The following RFX3 variants were observed in gnomAD, a reference collection of about 807,000 sequenced individuals.
The protein encoded by RFX3 is transcription factor RFX3.
In RFX3, 14 loss-of-function variants were observed where a neutral mutation model predicts 98.6. The ratio of observed to expected loss-of-function variants is 0.14; its 90% CI spans 0.09 to 0.22. RFX3 has a LOEUF of 0.22. RFX3 is among the 10% of genes least tolerant of loss of function. RFX3 has a pLI of 1.00. For synonymous variants in RFX3, 383 were observed against 328.4 expected, an observed-to-expected ratio of 1.17 and a Z score of -1.80; for missense variants, 639 against 926.9, an observed-to-expected ratio of 0.69 and a Z score of 4.03.
intron 4 of RFX3, among the ~76,000 whole-genome samples, chr9:3,312,341 T>G (rs1336549052): frequency 6.6e-6 from 1 of 152,120 alleles, no homozygotes; most frequent in Non-Finnish European, 1.5e-5. Context: ...TGAAACAGTA[T>G]CAGTTCCCAT....
intron 13 of RFX3, among the ~76,000 whole-genome samples, chr9:3,262,604 G>A (rs560203242): frequency 9.9e-5 from 15 of 152,178 alleles, no homozygotes; most frequent in Non-Finnish European, 2.2e-4. Context: ...TAACGCAATT[G>A]CCCAAGATCC....
intron 1 of RFX3, among the ~76,000 whole-genome samples, chr9:3,444,004 A>T (rs1340446578): frequency 6.6e-6 from 1 of 152,206 alleles, no homozygotes; most frequent in Admixed American, 6.5e-5. Context: ...TCTGTGTAAC[A>T]GTTTGGGAGT....
At chr9:3,364,098 T>C (rs550049107) in intron 2 of RFX3, among the ~76,000 whole-genome samples, 1 of 152,300 alleles carries the variant, frequency 6.6e-6, no homozygotes, top group African/African-American at 2.4e-5. Context: ...ATGGTCTTCA[T>C]CTCCTGACCT....
In RFX3 at chr9:3,427,738, C is replaced by A. The variant is rs1196374682; in HGVS notation, c.-8-32142G>T. 3.9e-5 allele frequency among the ~76,000 whole-genome samples: 6 copies of A among 152,164 alleles called. 1 individual carries two copies. Among genetic ancestry groups the A allele is most frequent in the African/African-American group, 1.4e-4 (6 of 41,506 alleles). ...CATCTACCAGAAACCTGTACCATAT[C>A]TTTTCATTCTCAGATCCATAGCAGG... On this transcript the variant is annotated intron_variant, in intron 1 of 16. Transcript: ENST00000617270.
At chr9:3,348,026 C>T (rs1208705999) in intron 2 of RFX3, among the ~76,000 whole-genome samples, 1 of 152,056 alleles carries the variant, frequency 6.6e-6, no homozygotes, top group African/African-American at 2.4e-5. Context: ...TTGGTTTTTT[C>T]AAAGTAAGAT....
At chr9:3,439,931 C>A (rs910620135) in intron 1 of RFX3, among the ~76,000 whole-genome samples, 1 of 152,010 alleles carries the variant, frequency 6.6e-6, no homozygotes, top group Non-Finnish European at 1.5e-5. Context: ...GAGTCAGTCT[C>A]AGGATCTGAA....
chr9:3,499,963 C>G (rs776547842), intron 1 of RFX3, among the ~76,000 whole-genome samples: 1 of 152,112 alleles, frequency 6.6e-6, no homozygotes, highest in East Asian at 1.9e-4. Context: ...GTCAACTGCA[C>G]TACCTTATTC....
intron 10 of RFX3, 177 bp from the exon 11 acceptor site, chr9:3,270,702 C>T (rs1824309653): frequency 1.5e-6 from 1 of 684,470 alleles, no homozygotes; most frequent in Non-Finnish European, 2.4e-6. Flanking sequence ...ATATAAAACA[C>T]TCCCCCAGAG....
At chr9:3,230,763 T>C (rs932021366) in intron 15 of RFX3, among the ~76,000 whole-genome samples, 3 of 152,232 alleles carry the variant, frequency 2.0e-5, no homozygotes, top group African/African-American at 7.2e-5. Context: ...CACACCTTTA[T>C]ACTGATAAAA....
intron 1 of RFX3, chr9:3,420,988 A>G: frequency 1.3e-5 from 10 of 787,690 alleles, no homozygotes; most frequent in Non-Finnish European, 1.5e-5. Context: ...AAATCTGTGG[A>G]CTCTCAGAGA....
intron 1 of RFX3, among the ~76,000 whole-genome samples, chr9:3,430,171 G>A (rs1844519121): frequency 6.6e-6 from 1 of 152,158 alleles, no homozygotes; most frequent in African/African-American, 2.4e-5. Context: ...TGTTTTGAAA[G>A]ACTTTCAAAA....
chr9:3,329,423 AAAAAAC>A (rs1832324511), intron 4 of RFX3, among the ~76,000 whole-genome samples: 4 of 150,110 alleles, frequency 2.7e-5, no homozygotes, highest in Non-Finnish European at 5.9e-5. Context: ...AAAAAAAAAA[AAAAAAC>A]AAAAAACCAC....
intron 4 of RFX3, among the ~76,000 whole-genome samples, chr9:3,316,072 A>G (rs1830552645): frequency 6.6e-6 from 1 of 152,182 alleles, no homozygotes; most frequent in South Asian, 2.1e-4. Context: ...GACACAATAA[A>G]AAAAAAGAAT....
At chr9:3,337,967 C>T (rs993987771) in intron 3 of RFX3, among the ~76,000 whole-genome samples, 9 of 152,164 alleles carry the variant, frequency 5.9e-5, no homozygotes, top group East Asian at 1.9e-4. Context: ...GTGCCTGGAC[C>T]GCATGCACTA....
chr9:3,299,432 A>G (rs376459271), intron 5 of RFX3, among the ~76,000 whole-genome samples: 1 of 151,662 alleles, frequency 6.6e-6, no homozygotes, highest in Non-Finnish European at 1.5e-5. Context: ...CTGTTTATAA[A>G]CCATCCGTAG....
Position 3,464,165 on chromosome 9 carries a change from T to C in RFX3, c.-9+61582A>G, listed in dbSNP as rs184495380. On this transcript the variant is annotated intron_variant, in intron 1 of 16. Transcript: ENST00000617270. ...TTAATACCAAGTGTTGACAAGGATG[T>C]AGAGCAACTGCCAGGAATGCAAAAT... 2.2e-3 allele frequency among the ~76,000 whole-genome samples: 342 copies of C among 152,310 alleles called. 3 individuals carry two copies. Among genetic ancestry groups the C allele is most frequent in the Middle Eastern group, 0.01 (3 of 294 alleles).
intron 16 of RFX3, among the ~76,000 whole-genome samples, chr9:3,226,872 T>G (rs1817838483): frequency 6.6e-6 from 1 of 152,236 alleles, no homozygotes; most frequent in Non-Finnish European, 1.5e-5. Context: ...TAATAAAGCT[T>G]CACTTTCTAT....
In RFX3 at chr9:3,270,286, T is replaced by G. The variant is rs1280144729; in HGVS notation, c.1357+85A>C. The G allele has an allele frequency of 3.0e-6, 4 of 1,334,394 alleles. No individual in the cohort carries two copies. The Admixed American group carries it at 9.0e-5, about 30-fold the overall frequency. 82.7% of individuals were successfully genotyped at this position (1,334,394 alleles called of 1,614,324 possible). A position where few individuals can be genotyped will look rare whatever the true frequency, so the allele number is the denominator to read the frequency against. On this transcript the variant is annotated intron_variant, in intron 11 of 16. Coordinates refer to ENST00000617270, the MANE Select transcript of RFX3 (RefSeq NM_001282116.2). Reference sequence around the variant, plus strand: ...CAAATCTAAATGAAATTAGAATCATTCTAGATTGCAATGTCACTTCTCAAA... The same window carrying G: ...CAAATCTAAATGAAATTAGAATCATGCTAGATTGCAATGTCACTTCTCAAA...
At chr9:3,243,458 C>A (rs2130890704) in intron 15 of RFX3, among the ~76,000 whole-genome samples, 1 of 152,076 alleles carries the variant, frequency 6.6e-6, no homozygotes, top group South Asian at 2.1e-4. Context: ...TAGGGGAGTC[C>A]ATTGTATAGC....
Sources: allele counts gnomAD v4.1 joint callset (sites outside exome capture counted in the v4.1 genomes callset), GRCh38; gene constraint gnomAD v4.1.1; transcripts MANE v1.5; gene names NCBI Gene and HGNC (gene_info 2026-07-23, HGNC 2026-07-21).